Variants in ARHGAP26 observed in about 807,000 individuals in gnomAD.
ARHGAP26 encodes the protein Rho GTPase activating protein 26, also known as rho GTPase-activating protein 26.
ARHGAP26 carries 38 observed loss-of-function variants against 104.8 expected under a neutral mutation model. The observed-to-expected ratio is 0.36, with a 90% CI of 0.28 to 0.48. The LOEUF (loss-of-function observed/expected upper bound fraction) is 0.48, where lower values mean the gene tolerates loss of function less well. ARHGAP26 is among the 20% of genes least tolerant of loss of function. ARHGAP26 has a pLI of 0.99. For synonymous variants in ARHGAP26, 341 were observed against 340.0 expected (o/e 1.00, Z -0.03); for missense variants, 704 against 947.9 (o/e 0.74, Z 3.38).
intron 1 of ARHGAP26, among the ~76,000 whole-genome samples, chr5:142,803,300 G>A (rs1371324364): frequency 6.6e-6 from 1 of 152,124 alleles, no homozygotes; most frequent in Non-Finnish European, 1.5e-5. Flanking sequence ...AATTTAACTA[G>A]TTGTTCTGCA....
intron 12 of ARHGAP26, among the ~76,000 whole-genome samples, chr5:143,027,316 C>T (rs1372098638): frequency 6.6e-6 from 1 of 151,358 alleles, no homozygotes; most frequent in Non-Finnish European, 1.5e-5. Context: ...GTATTACAGG[C>T]ACCTGCCACC....
chr5:143,214,092 A>T lies in ARHGAP26; in HGVS notation c.2191+4A>T. ...GCAGGCACGGTCTTCGATAACGGTGAGTTTCTCATCCCCTCACAAAGATAT... is the reference window on the plus strand; with the variant it reads ...GCAGGCACGGTCTTCGATAACGGTGTGTTTCTCATCCCCTCACAAAGATAT... On this transcript the variant is annotated splice_donor_region_variant and intron_variant, in intron 22 of 22. Transcript: ENST00000645722. 1 of 1,135,004 alleles carries T rather than the reference A, an allele frequency of 8.8e-7. No homozygotes were observed. Among genetic ancestry groups the T allele is most frequent in the Non-Finnish European group, 1.2e-6 (1 of 817,500 alleles). 70.3% of individuals were successfully genotyped at this position (1,135,004 alleles called of 1,614,324 possible). A position where few individuals can be genotyped will look rare whatever the true frequency, so the allele number is the denominator to read the frequency against.
At chr5:142,993,732 C>G (rs1029736684) in intron 11 of ARHGAP26, among the ~76,000 whole-genome samples, 1 of 152,204 alleles carries the variant, frequency 6.6e-6, no homozygotes, top group African/African-American at 2.4e-5. Context: ...GCCCCAACCT[C>G]TTGGGGTCAA....
intron 17 of ARHGAP26, among the ~76,000 whole-genome samples, chr5:143,060,670 G>A (rs920747029): frequency 6.6e-6 from 1 of 151,832 alleles, no homozygotes; most frequent in Non-Finnish European, 1.5e-5. Flanking sequence ...CTGGAGTCAT[G>A]TGCCTCAAAG....
At chr5:143,144,814 C>A (rs183105159) in intron 19 of ARHGAP26, among the ~76,000 whole-genome samples, 105 of 152,344 alleles carry the variant, frequency 6.9e-4, no homozygotes, top group African/African-American at 2.4e-3. Flanking sequence ...TTATTCTCTA[C>A]TCTTTCCCTG....
At chr5:143,085,504 A>G (rs1057360111) in intron 17 of ARHGAP26, among the ~76,000 whole-genome samples, 2 of 152,208 alleles carry the variant, frequency 1.3e-5, no homozygotes, top group Non-Finnish European at 2.9e-5. Context: ...AGGTCAAGGT[A>G]CAGATTAGCT....
At chr5:143,014,384 A>T (rs1779307727) in intron 12 of ARHGAP26, 1 of 522,160 alleles carries the variant, frequency 1.9e-6, no homozygotes, top group East Asian at 3.2e-5. Context: ...CGTGTACATT[A>T]TCTCCTTTAA....
chr5:143,086,971 C>T (rs937954444), intron 17 of ARHGAP26, among the ~76,000 whole-genome samples: 4 of 152,192 alleles, frequency 2.6e-5, no homozygotes, highest in Admixed American at 2.0e-4. Context: ...GTGCAGCTCC[C>T]GCAATTCAGT....
At chr5:143,191,626 G>T (rs1233294506) in intron 20 of ARHGAP26, among the ~76,000 whole-genome samples, 1 of 152,184 alleles carries the variant, frequency 6.6e-6, no homozygotes, top group Non-Finnish European at 1.5e-5. Flanking sequence ...AAGAAAATAT[G>T]TATTAAAATT....
intron 11 of ARHGAP26, among the ~76,000 whole-genome samples, chr5:142,974,009 G>T (rs1199054488): frequency 6.6e-6 from 1 of 152,000 alleles, no homozygotes; most frequent in Non-Finnish European, 1.5e-5. Context: ...TTTAGCTTTT[G>T]CCTTCTGTAT....
intron 19 of ARHGAP26, among the ~76,000 whole-genome samples, chr5:143,144,227 C>T (rs1413777972): frequency 6.6e-6 from 1 of 152,142 alleles, no homozygotes; most frequent in African/African-American, 2.4e-5. Context: ...TCATCAGTGA[C>T]TCAGGGAAGT....
intron 13 of ARHGAP26, among the ~76,000 whole-genome samples, chr5:143,040,523 C>T (rs1040739438): frequency 6.6e-6 from 1 of 152,042 alleles, no homozygotes; most frequent in African/African-American, 2.4e-5. Flanking sequence ...GTGAACAGGA[C>T]ACAATTACTG....
chr5:143,024,048 T>A (rs149456157), intron 12 of ARHGAP26, among the ~76,000 whole-genome samples: 8 of 152,262 alleles, frequency 5.3e-5, no homozygotes, highest in Non-Finnish European at 1.2e-4. Flanking sequence ...TGCAACACAG[T>A]TGCTGTGGTG....
At chr5:142,993,809 C>T (rs1775994835) in intron 11 of ARHGAP26, among the ~76,000 whole-genome samples, 1 of 120,686 alleles carries the variant, frequency 8.3e-6, no homozygotes, top group South Asian at 2.7e-4. Flanking sequence ...TCATGCCCAG[C>T]TAATTTCTTT....
chr5:143,190,460 A>G (rs1421020142), intron 20 of ARHGAP26, among the ~76,000 whole-genome samples: 1 of 152,164 alleles, frequency 6.6e-6, no homozygotes, highest in Non-Finnish European at 1.5e-5. Flanking sequence ...CTAGATATAC[A>G]TTGAATTTTC....
At position 143,209,164 on chromosome 5, in the gene ARHGAP26, C is replaced by T. The variant is rs538533251; in HGVS notation, c.2099+1856C>T. 2.0e-5 allele frequency among the ~76,000 whole-genome samples: 3 copies of T among 152,286 alleles called. No individual in the cohort carries two copies. In the East Asian group the frequency reaches 5.8e-4, roughly 29 times the overall value. On this transcript the variant is annotated intron_variant, in intron 21 of 22. Coordinates refer to ENST00000645722, the MANE Select transcript of ARHGAP26 (RefSeq NM_001135608.3). ...GTTAAGAGACTCAAGAGAGTGAAAT[C>T]ACTCAGCTAAAATCCTAAAATGTCC... is the stretch of plus-strand genomic sequence containing the variant.
chr5:143,033,402 T>C (rs1265329609), intron 12 of ARHGAP26, among the ~76,000 whole-genome samples: 1 of 152,322 alleles, frequency 6.6e-6, no homozygotes, highest in South Asian at 2.1e-4. Context: ...TCTGGATGTA[T>C]TTGGAAGCGT....
chr5:142,891,865 G>A (rs1023556859), intron 5 of ARHGAP26, among the ~76,000 whole-genome samples: 3 of 151,930 alleles, frequency 2.0e-5, no homozygotes, highest in Non-Finnish European at 4.4e-5. Context: ...TGCTTTCAGT[G>A]TAATTATCTG....
chr5:142,902,978 G>C (rs765771914), intron 7 of ARHGAP26, among the ~76,000 whole-genome samples: 1 of 152,174 alleles, frequency 6.6e-6, no homozygotes, highest in African/African-American at 2.4e-5. Flanking sequence ...TGCAGGGGAG[G>C]CTCTGGAGCT....
Sources: allele counts gnomAD v4.1 joint callset (sites outside exome capture counted in the v4.1 genomes callset), GRCh38; gene constraint gnomAD v4.1.1; transcripts MANE v1.5; gene names NCBI Gene and HGNC (gene_info 2026-07-23, HGNC 2026-07-21).